Variants in TP53TG5 observed in about 807,000 individuals in gnomAD.
TP53TG5 encodes TP53-target gene 5 protein.
A neutral mutation model predicts 30.0 loss-of-function variants in TP53TG5; 17 were observed. The ratio of observed to expected loss-of-function variants is 0.57; its 90% CI spans 0.39 to 0.85. The LOEUF (loss-of-function observed/expected upper bound fraction) is 0.85, where lower values mean the gene tolerates loss of function less well. TP53TG5 is among the 40% of genes least tolerant of loss of function. The probability of loss-of-function intolerance (pLI) is 0.00; values close to 1 mark genes in which losing one functional copy is unlikely to be tolerated. For missense variants in TP53TG5, 338 were observed against 367.9 expected (o/e 0.92, Z 0.67); for synonymous variants, 137 against 139.2 (o/e 0.98, Z 0.11).
intron 2 of TP53TG5, 53 bp from the exon 3 acceptor site, chr20:45,377,395 C>T: frequency 6.2e-7 from 1 of 1,612,150 alleles, no homozygotes; most frequent in Non-Finnish European, 8.5e-7. Context: ...CCTGGACAGC[C>T]TCCCTCTCCC....
Position 45,373,390 on chromosome 20 carries a change from G to A in TP53TG5, c.*517C>T, listed in dbSNP as rs146349538. 712 of 170,316 alleles carry A rather than the reference G, an allele frequency of 4.2e-3. 4 individuals carry two copies. The highest frequency in any genetic ancestry group is 0.016 in the African/African-American group (674 of 42,300). 10.6% of individuals were successfully genotyped at this position (170,316 alleles called of 1,614,324 possible). A position where few individuals can be genotyped will look rare whatever the true frequency, so the allele number is the denominator to read the frequency against. ...TTTGACACCAGCCACAGTGCAATCA[G>A]TTTTTGACAATCAATTTTTGACAAT... is the stretch of plus-strand genomic sequence containing the variant. On this transcript the variant is annotated 3_prime_UTR_variant, in exon 5 of 5. Coordinates refer to ENST00000372726, the MANE Select transcript of TP53TG5 (RefSeq NM_014477.3).
rs765495286 is a variant in TP53TG5, at chr20:45,377,606, T to C, written c.56A>G (p.Asp19Gly). The C allele has an allele frequency of 4.3e-6, 7 of 1,613,912 alleles. No individual in the cohort carries two copies. In the Admixed American group the frequency reaches 6.7e-5, roughly 15 times the overall value. Reference sequence around the variant, plus strand: ...CTCTGTCTCGTCCCGCAGTTTCTCATCTTGCATCTGAGGGACAGAGGATAA... The same window carrying C: ...CTCTGTCTCGTCCCGCAGTTTCTCACCTTGCATCTGAGGGACAGAGGATAA... ...PKNSRVSKMQDEKLRDETEQP... is the reference protein window; with the variant it reads ...PKNSRVSKMQGEKLRDETEQP... The change falls in exon 2 of 5, where the codon GAT becomes GGT. Residue 19 changes from aspartate to glycine, a missense_variant. By Grantham distance (94) the Asp-to-Gly change is moderately conservative. Coordinates refer to ENST00000372726, the MANE Select transcript of TP53TG5 (RefSeq NM_014477.3).
Position 45,378,197 on chromosome 20 carries a change from C to A in TP53TG5, c.40G>T (p.Val14Phe). The stretch of plus-strand genomic sequence containing the variant: ...CTAGTCCCAAGTCTGACCTTGGAAA[C>A]CCTGCTGTTCTTGGGCCTCTTCTTT... ...SAKKRPKNSR[V>F]SKMQDEKLRD... is the part of the protein sequence containing the mutation. The change falls in exon 1 of 5, where the codon GTT becomes TTT. Residue 14 changes from valine to phenylalanine, a missense_variant. Val to Phe is a conservative substitution (Grantham distance 50, BLOSUM62 -1). Coordinates refer to ENST00000372726, the MANE Select transcript of TP53TG5 (RefSeq NM_014477.3). The A allele has an allele frequency of 6.2e-7, 1 of 1,614,126 alleles. No homozygotes were observed. Among genetic ancestry groups the A allele is most frequent in the Non-Finnish European group, 8.5e-7 (1 of 1,179,968 alleles).
Position 45,373,051 on chromosome 20 carries a change from C to T in TP53TG5, c.*856G>A, listed in dbSNP as rs1988604629. On this transcript the variant is annotated 3_prime_UTR_variant, in exon 5 of 5. Coordinates refer to ENST00000372726, the MANE Select transcript of TP53TG5 (RefSeq NM_014477.3). ...TGTGCCCCTCGATGGCTCCACTGCTCTCCCGAGGGCGCCCACTCCATGCAG... is the reference window on the plus strand; with the variant it reads ...TGTGCCCCTCGATGGCTCCACTGCTTTCCCGAGGGCGCCCACTCCATGCAG... 2 of 152,348 alleles carry T rather than the reference C, an allele frequency of 1.3e-5. No homozygotes were observed. The highest frequency in any genetic ancestry group is 4.8e-5 in the African/African-American group (2 of 41,462). 9.4% of individuals were successfully genotyped at this position (152,348 alleles called of 1,614,324 possible). A position where few individuals can be genotyped will look rare whatever the true frequency, so the allele number is the denominator to read the frequency against.
In TP53TG5 at chr20:45,375,182, T is replaced by G. The variant is rs761193167; in HGVS notation, c.625A>C (p.Ile209Leu). 6.2e-7 allele frequency: 1 copy of G among 1,614,112 alleles called. No homozygotes were observed. Among genetic ancestry groups the G allele is most frequent in the Non-Finnish European group, 8.5e-7 (1 of 1,180,006 alleles). Residue 209 changes from isoleucine (I) to leucine (L), a missense_variant, in exon 4 of 5, where the codon ATC (isoleucine) becomes CTC (leucine). Transcript: ENST00000372726. ...MKQLDVADQW[I>L]WFEGLPTRIH... ...CGTGTGGGCAGCCCCTCAAACCAGATCCACTGGTCGGCTACATCCAGCTGC... is the reference window on the plus strand; with the variant it reads ...CGTGTGGGCAGCCCCTCAAACCAGAGCCACTGGTCGGCTACATCCAGCTGC...
chr20:45,374,899 A>G, intron 4 of TP53TG5, 140 bp downstream of exon 4: 17 of 1,183,776 alleles, frequency 1.4e-5, no homozygotes, highest in East Asian at 2.4e-5. Flanking sequence ...CTCTCTGGAC[A>G]TGAAGGCGGA....
At chr20:45,375,704 G>C in intron 3 of TP53TG5, 152 bp from the exon 4 acceptor site, 1 of 897,382 alleles carries the variant, frequency 1.1e-6, no homozygotes, top group East Asian at 2.5e-5. Flanking sequence ...TTGTGCTGGT[G>C]TGAGGAGGTG....
In TP53TG5 at chr20:45,373,582, A is replaced by G. The variant is rs560276117; in HGVS notation, c.*325T>C. ...ACTTTCTAGCTGAGTGAGCCTGGGC[A>G]AGTTACTTGCTGCCTCCGCGCCGCG... On this transcript the variant is annotated 3_prime_UTR_variant, in exon 5 of 5. Transcript: ENST00000372726. 2.6e-6 allele frequency: 1 copy of G among 391,246 alleles called. No individual in the cohort carries two copies. The highest frequency in any genetic ancestry group is 3.7e-5 in the Admixed American group (1 of 26,944). The allele number at this position is 391,246 out of a possible 1,614,324, so 24.2% of individuals were successfully genotyped here.
chr20:45,377,472 C>T, intron 2 of TP53TG5, 67 bp downstream of exon 2: 1 of 1,609,228 alleles, frequency 6.2e-7, no homozygotes, highest in Non-Finnish European at 8.5e-7. Context: ...CTCAGCCTGG[C>T]AACCAGGGGC....
At chr20:45,377,123 T>G in intron 3 of TP53TG5, 89 bp downstream of exon 3, 17 of 1,528,640 alleles carry the variant, frequency 1.1e-5, no homozygotes, top group Non-Finnish European at 1.5e-5. Context: ...TTTGTGAAAA[T>G]TAGACTTGTT....
rs1988774932 is a variant in TP53TG5, at chr20:45,377,683, A to G, written c.49-70T>C. On this transcript the variant is annotated intron_variant, in intron 1 of 4. Coordinates refer to ENST00000372726, the MANE Select transcript of TP53TG5 (RefSeq NM_014477.3). ...CCAGGTGTGGTGCCTCATGTCTGTA[A>G]TCCCAGCACTTTGGGAGGCCGAGGT... 13 of 1,503,172 alleles carry G rather than the reference A, an allele frequency of 8.6e-6. No homozygotes were observed. In the East Asian group the frequency reaches 2.7e-4, roughly 31 times the overall value. The allele number at this position is 1,503,172 out of a possible 1,614,324, so 93.1% of individuals were successfully genotyped here.
chr20:45,375,859 C>A (rs1988715663), intron 3 of TP53TG5: 1 of 360,866 alleles, frequency 2.8e-6, no homozygotes, highest in South Asian at 3.5e-5. Context: ...GGAGGGTGAA[C>A]AGTCCAGTAG....
chr20:45,377,303 A>G lies in TP53TG5; in HGVS notation c.163T>C (p.Ser55Pro), dbSNP rs1465077231. The G allele has an allele frequency of 6.2e-7, 1 of 1,614,118 alleles. No individual in the cohort carries two copies. The highest frequency in any genetic ancestry group is 8.5e-7 in the Non-Finnish European group (1 of 1,180,020). ...NLSLLKLLKS[S>P]NRRIQELHKL... ...TGCAGTTCTTGGATCCGGCGGTTTGAGCTCTTGAGTAGCTTCAAGAGCGAC... is the reference window on the plus strand; with the variant it reads ...TGCAGTTCTTGGATCCGGCGGTTTGGGCTCTTGAGTAGCTTCAAGAGCGAC... Residue 55 changes from serine to proline, a missense_variant, in exon 3 of 5, where the codon TCA becomes CCA. Transcript: ENST00000372726.
intron 3 of TP53TG5, chr20:45,375,763 T>A (rs1205624843): frequency 5.0e-6 from 3 of 597,018 alleles, no homozygotes; most frequent in African/African-American, 3.7e-5. Context: ...GTGAAAGCCA[T>A]GACTAGTAGT....
Position 45,375,510 on chromosome 20 carries a change from C to G in TP53TG5, c.297G>C (p.Glu99Asp), listed in dbSNP as rs1988704457. ...ACNKTKQNNE[E>D]FQEIGCSEKE... ...TCTCGGAGCACCCGATCTCCTGGAA[C>G]TCTTCATTATTTTGTTTTGTTTTAT... Residue 99 changes from glutamate to aspartate, a missense_variant, in exon 4 of 5, where the codon GAG becomes GAC. By Grantham distance (45) the Glu-to-Asp change is conservative. Transcript: ENST00000372726. The G allele has an allele frequency of 2.6e-6, 4 of 1,567,658 alleles. No homozygotes were observed. The highest frequency in any genetic ancestry group is 3.5e-6 in the Non-Finnish European group (4 of 1,151,864).
Position 45,375,545 on chromosome 20 carries a change from T to C in TP53TG5, c.262A>G (p.Ser88Gly). 3.7e-6 allele frequency: 6 copies of C among 1,605,672 alleles called. No homozygotes were observed. Among genetic ancestry groups the C allele is most frequent in the Non-Finnish European group, 5.1e-6 (6 of 1,178,962 alleles). ...KILRISSGEN[S>G]ACNKTKQNNE... Reference sequence around the variant, plus strand: ...TTTTGTTTTGTTTTATTGCAGGCACTGTTTTCCCTGGCAGGGAGAGGAAAG... The same window carrying C: ...TTTTGTTTTGTTTTATTGCAGGCACCGTTTTCCCTGGCAGGGAGAGGAAAG... Residue 88 changes from serine (S) to glycine (G), a missense_variant, in exon 4 of 5, where the codon AGT (serine) becomes GGT (glycine). Physicochemically the swap from Ser to Gly is moderately conservative, Grantham distance 56. Coordinates refer to ENST00000372726, the MANE Select transcript of TP53TG5 (RefSeq NM_014477.3).
At position 45,375,409 on chromosome 20, in the gene TP53TG5, A is replaced by C; in HGVS notation, c.398T>G (p.Val133Gly). 6.2e-7 allele frequency: 1 copy of C among 1,613,828 alleles called. No individual in the cohort carries two copies. The highest frequency in any genetic ancestry group is 8.5e-7 in the Non-Finnish European group (1 of 1,179,970). ...CTCCTTGTTCCTCATCCCTGACTGC[A>C]CCTGGGACTTCCACTCCTTGTACTC... ...KKEYKEWKSQ[V>G]QSGMRNKEKT... is the part of the protein sequence containing the mutation. The change falls in exon 4 of 5, where the codon GTG becomes GGG. Residue 133 changes from valine (V) to glycine (G), a missense_variant. Val to Gly is a moderately radical substitution (Grantham distance 109, BLOSUM62 -3). Transcript: ENST00000372726.
rs1988790458 is a variant in TP53TG5, at chr20:45,378,225, T to C, written c.12A>G (p.Ser4=). ...TGCTGTTCTTGGGCCTCTTCTTTGC[T>C]GATGGACTCATGCTGGGGCTGTGAG... MSP[S]AKKRPKNSRV... is the part of the protein sequence containing the mutation. The change falls in exon 1 of 5, where the codon TCA becomes TCG. Residue 4 remains serine (S), a synonymous_variant. Transcript: ENST00000372726. 1.2e-6 allele frequency: 2 copies of C among 1,614,036 alleles called. No homozygotes were observed. The highest frequency in any genetic ancestry group is 8.5e-7 in the Non-Finnish European group (1 of 1,179,994).
intron 4 of TP53TG5, 30 bp from the exon 5 acceptor site, chr20:45,374,041 T>C: frequency 5.0e-6 from 8 of 1,608,354 alleles, no homozygotes; most frequent in Middle Eastern, 1.7e-4. Flanking sequence ...TGTTAGGCGC[T>C]AAGACTGTCC....
Sources: allele counts gnomAD v4.1 joint callset, GRCh38; gene constraint gnomAD v4.1.1; transcripts MANE v1.5; gene names NCBI Gene and HGNC (gene_info 2026-07-23, HGNC 2026-07-21).